Variants in TCEANC2 observed in about 807,000 individuals in gnomAD.
The protein encoded by TCEANC2 is transcription elongation factor A N-terminal and central domain containing 2, also known as transcription elongation factor A N-terminal and central domain-containing protein 2.
Under a neutral mutation model 22.8 loss-of-function variants are expected in TCEANC2, and 20 were observed. The ratio of observed to expected loss-of-function variants is 0.88; its 90% confidence interval spans 0.62 to 1.28. The LOEUF is 1.28. Among genes scored for constraint, TCEANC2 ranks in the 50% most tolerant of loss-of-function variants. The pLI is 0.00. For synonymous variants in TCEANC2, 84 were observed against 95.5 expected (o/e 0.88, Z 0.70); for missense variants, 251 against 249.7 (o/e 1.01, Z -0.03).
At chr1:54,107,715 G>A (rs760057108), downstream of TCEANC2, among the ~76,000 whole-genome samples, 1 of 152,122 alleles carries the variant, frequency 6.6e-6, no homozygotes, top group Non-Finnish European at 1.5e-5. Flanking sequence ...TTCATATAAT[G>A]TATTTTTAAA....
At chr1:54,091,432 T>C (rs1017481082) in intron 4 of TCEANC2, among the ~76,000 whole-genome samples, 6 of 152,216 alleles carry the variant, frequency 3.9e-5, no homozygotes, top group Non-Finnish European at 7.3e-5. Flanking sequence ...GTTTAAGTTA[T>C]TGGCCCAGTG....
At chr1:54,054,200 A>G in intron 1 of TCEANC2, 181 bp from the exon 2 acceptor site, 1 of 1,412,018 alleles carries the variant, frequency 7.1e-7, no homozygotes, top group South Asian at 1.6e-5. Context: ...CTGATGATTG[A>G]TTACAGTTTC....
At chr1:54,063,722 T>C (rs966610000) in intron 2 of TCEANC2, among the ~76,000 whole-genome samples, 2 of 152,192 alleles carry the variant, frequency 1.3e-5, no homozygotes, top group East Asian at 3.8e-4. Context: ...CCCAAACATT[T>C]CTGGCCCCAA....
chr1:54,055,401 C>G (rs1557684754), intron 2 of TCEANC2, among the ~76,000 whole-genome samples: 1 of 152,192 alleles, frequency 6.6e-6, no homozygotes, highest in Non-Finnish European at 1.5e-5. Context: ...TTTACTAAAA[C>G]AAAACAAAAC....
chr1:54,084,742 G>A (rs908964338), intron 3 of TCEANC2, among the ~76,000 whole-genome samples: 11 of 151,760 alleles, frequency 7.2e-5, no homozygotes, highest in African/African-American at 1.9e-4. Flanking sequence ...ACTGCACTCC[G>A]GCCTGGGTGA....
At chr1:54,106,739 C>T (rs1400787483), downstream of TCEANC2, among the ~76,000 whole-genome samples, 1 of 151,576 alleles carries the variant, frequency 6.6e-6, no homozygotes, top group Non-Finnish European at 1.5e-5. Flanking sequence ...AAAACTATTT[C>T]CATAGAAACA....
Position 54,069,427 on chromosome 1 carries a change from G to T in TCEANC2, c.244+530G>T, listed in dbSNP as rs984466598. Among the ~76,000 whole-genome samples, 19 of 152,134 alleles carry T rather than the reference G, an allele frequency of 1.2e-4. 1 individual carries two copies. In the South Asian group the frequency reaches 3.9e-3, roughly 32 times the overall value. ...GTCCAAGACCAGCCAGGACAACATG[G>T]CAAAACCCCGTCTCTACTAAAAATA... On this transcript the variant is annotated intron_variant, in intron 3 of 4. Transcript: ENST00000234827.
At chr1:54,054,127 G>A (rs74085143) in intron 1 of TCEANC2, 29,783 of 690,852 alleles carry the variant, frequency 0.043, 2,355 homozygotes, top group African/African-American at 0.29. Flanking sequence ...TTCCCCCAAT[G>A]TTGGAATCCT....
intron 3 of TCEANC2, among the ~76,000 whole-genome samples, chr1:54,078,960 A>G (rs1658193307): frequency 6.6e-6 from 1 of 152,190 alleles, no homozygotes; most frequent in Admixed American, 6.5e-5. Context: ...GCCAACTAGC[A>G]AAACGCCTTT....
At chr1:54,084,244 C>T (rs1342859720) in intron 3 of TCEANC2, among the ~76,000 whole-genome samples, 3 of 152,132 alleles carry the variant, frequency 2.0e-5, no homozygotes, top group African/African-American at 4.8e-5. Flanking sequence ...AACTCCTGGC[C>T]TCCAGGGTTC....
At chr1:54,056,857 C>G (rs945270524) in intron 2 of TCEANC2, among the ~76,000 whole-genome samples, 1 of 152,020 alleles carries the variant, frequency 6.6e-6, no homozygotes, top group South Asian at 2.1e-4. Flanking sequence ...GCCTGGGCAG[C>G]TTGGCAAAAC....
chr1:54,064,404 C>T (rs1023319381), intron 2 of TCEANC2, among the ~76,000 whole-genome samples: 2 of 152,116 alleles, frequency 1.3e-5, no homozygotes, highest in Non-Finnish European at 2.9e-5. Context: ...GCTCAAGCAG[C>T]CTCAAGAGTG....
At chr1:54,067,463 AAGTC>A (rs1294889272) in intron 2 of TCEANC2, among the ~76,000 whole-genome samples, 2 of 152,202 alleles carry the variant, frequency 1.3e-5, no homozygotes, top group Non-Finnish European at 2.9e-5. Flanking sequence ...GAGAAAAAGA[AAGTC>A]AGCTTTCAAC....
rs77648349 is a variant in TCEANC2 at position 54,063,825 on chromosome 1, G to A, written c.103-4931G>A. ...TATACTGTATTGTTAATGGAATAGT[G>A]ACAAGGAAAAAAGTCTCTATGTGTT... On this transcript the variant is annotated intron_variant, in intron 2 of 4. Transcript: ENST00000234827. 5.7e-3 allele frequency among the ~76,000 whole-genome samples: 861 copies of A among 152,250 alleles called. 8 individuals are homozygous for A. The highest frequency in any genetic ancestry group is 0.02 in the African/African-American group (820 of 41,558).
chr1:54,065,940 T>C (rs1200747726), intron 2 of TCEANC2, among the ~76,000 whole-genome samples: 1 of 151,136 alleles, frequency 6.6e-6, no homozygotes, highest in Non-Finnish European at 1.5e-5. Flanking sequence ...GGTGTGGTGA[T>C]GCATGCCTGC....
downstream of TCEANC2, among the ~76,000 whole-genome samples, chr1:54,107,439 C>A (rs953895285): frequency 6.6e-6 from 1 of 152,228 alleles, no homozygotes; most frequent in South Asian, 2.1e-4. Flanking sequence ...ATGAAGTTGT[C>A]ATTTTTCCCT....
At chr1:54,107,621 A>G (rs1005515209), downstream of TCEANC2, among the ~76,000 whole-genome samples, 1 of 152,048 alleles carries the variant, frequency 6.6e-6, no homozygotes, top group African/African-American at 2.4e-5. Flanking sequence ...TTTTTTTGAT[A>G]ATTTATTTAT....
In TCEANC2 at chr1:54,104,276, TAGA is replaced by T; in HGVS notation, c.*7804_*7806del. The stretch of plus-strand genomic sequence containing the variant: ...CTCATAGTTCTGGGCTCTGCAGGTT[TAGA>T]GGTTTTGAGTCACAAAGGAGGAACA... On this transcript the variant is annotated 3_prime_UTR_variant, in exon 5 of 5. Coordinates refer to ENST00000234827, the MANE Select transcript of TCEANC2 (RefSeq NM_153035.3). 1 of 183,328 alleles carries T rather than the reference TAGA, an allele frequency of 5.5e-6. No individual in the cohort carries two copies. The allele number at this position is 183,328 out of a possible 1,614,324, so 11.4% of individuals were successfully genotyped here. A position where few individuals can be genotyped will look rare whatever the true frequency, so the allele number is the denominator to read the frequency against.
exon 5 of TCEANC2, chr1:54,111,947 G>A (rs141185459): frequency 1.3e-5 from 2 of 152,314 alleles, no homozygotes; most frequent in Non-Finnish European, 2.9e-5. Flanking sequence ...ATGTTTTGTG[G>A]CTAAGAAGTA....
Sources: gnomAD v4.1 joint callset for allele counts (sites outside exome capture counted in the v4.1 genomes callset) on GRCh38, gnomAD v4.1.1 for gene constraint, MANE v1.5 for transcripts, NCBI Gene and HGNC (gene_info 2026-07-23, HGNC 2026-07-21) for gene names.